The following PTK2 variants were observed in gnomAD, a reference collection of about 807,000 sequenced individuals.
The protein encoded by PTK2 is protein tyrosine kinase 2.
A neutral mutation model predicts 150.1 loss-of-function variants in PTK2; 45 were observed. The ratio of observed to expected loss-of-function variants is 0.30; its 90% CI spans 0.24 to 0.38. PTK2 has a LOEUF of 0.38. Among genes scored for constraint, PTK2 ranks in the 10% least tolerant of loss-of-function variants. The probability of loss-of-function intolerance (pLI) is 1.00; values close to 1 mark genes in which losing one functional copy is unlikely to be tolerated. For missense variants in PTK2, 919 were observed against 1,307.3 expected, an observed-to-expected ratio of 0.70 and a Z score of 4.58; for synonymous variants, 432 against 449.2, an observed-to-expected ratio of 0.96 and a Z score of 0.48.
intron 1 of PTK2, among the ~76,000 whole-genome samples, chr8:140,964,547 ATTTTTTTTTT>A (rs1025644210): frequency 3.9e-5 from 3 of 76,818 alleles, no homozygotes; most frequent in African/African-American, 1.2e-4. Flanking sequence ...GCCCCAGGTA[ATTTTTTTTTT>A]TTTTTTTTTT....
chr8:140,927,066 T>C (rs891743481), intron 1 of PTK2, among the ~76,000 whole-genome samples: 3 of 152,228 alleles, frequency 2.0e-5, no homozygotes, highest in Non-Finnish European at 4.4e-5. Context: ...GTTTTTCAGA[T>C]GCAGTGGTAG....
At chr8:140,939,231 C>A (rs540452267) in intron 1 of PTK2, among the ~76,000 whole-genome samples, 2 of 152,226 alleles carry the variant, frequency 1.3e-5, no homozygotes, top group East Asian at 1.9e-4. Context: ...ACATTTAAAG[C>A]CAGATTCGAA....
At chr8:140,838,720 T>C (rs1454126051) in intron 7 of PTK2, among the ~76,000 whole-genome samples, 1 of 152,152 alleles carries the variant, frequency 6.6e-6, no homozygotes, top group South Asian at 2.1e-4. Flanking sequence ...TATTAAAAAC[T>C]TCTAGGCCGG....
intron 2 of PTK2, among the ~76,000 whole-genome samples, chr8:140,919,844 T>C (rs910607856): frequency 5.3e-5 from 8 of 152,146 alleles, no homozygotes; most frequent in Non-Finnish European, 1.2e-4. Context: ...ATATCACGTT[T>C]TGTAAATGTT....
intron 1 of PTK2, among the ~76,000 whole-genome samples, chr8:140,978,988 T>C (rs1196521149): frequency 1.3e-5 from 2 of 151,384 alleles, no homozygotes; most frequent in Non-Finnish European, 2.9e-5. Flanking sequence ...AAACCATCAT[T>C]CTCAGCAAAC....
intron 30 of PTK2, among the ~76,000 whole-genome samples, chr8:140,666,769 T>C (rs1174671553): frequency 6.6e-6 from 1 of 152,206 alleles, no homozygotes; most frequent in African/African-American, 2.4e-5. Context: ...ATTCTGAGTA[T>C]ACACTCAAAA....
chr8:140,908,564 T>C (rs777435721), intron 2 of PTK2, among the ~76,000 whole-genome samples: 1 of 152,230 alleles, frequency 6.6e-6, no homozygotes, highest in Non-Finnish European at 1.5e-5. Flanking sequence ...TGTCTCTCAT[T>C]AGGGGCTAAT....
exon 24 of PTK2, chr8:140,706,151 G>T (rs1223191697): frequency 1.2e-6 from 2 of 1,613,044 alleles, no homozygotes; most frequent in Non-Finnish European, 1.7e-6. Context: ...ATGTGCTGTG[G>T]GCTGGGATAA....
At chr8:140,679,764 TTAA>T (rs1185275880) in intron 27 of PTK2, among the ~76,000 whole-genome samples, 11 of 152,248 alleles carry the variant, frequency 7.2e-5, no homozygotes, top group African/African-American at 2.7e-4. Flanking sequence ...TAGGCAGTTA[TTAA>T]TGTTTACTAA....
intron 29 of PTK2, 34 bp from the exon 34 acceptor site, chr8:140,668,458 T>A: frequency 6.3e-7 from 1 of 1,580,734 alleles, no homozygotes; most frequent in South Asian, 1.2e-5. Flanking sequence ...TTTTCTGCTC[T>A]CCAGCAGATG....
chr8:140,692,817 C>T (rs1279222532), intron 26 of PTK2, among the ~76,000 whole-genome samples: 3 of 152,142 alleles, frequency 2.0e-5, no homozygotes, highest in African/African-American at 7.2e-5. Context: ...GGCCTTGCTG[C>T]GTAGCAGAAG....
chr8:140,989,212 T>TTA (rs1249939122), intron 1 of PTK2, among the ~76,000 whole-genome samples: 18 of 60,584 alleles, frequency 3.0e-4, no homozygotes, highest in African/African-American at 1.1e-3. Context: ...ACCCTGTCTC[T>TTA]AAAAAAAAAA....
intron 1 of PTK2, among the ~76,000 whole-genome samples, chr8:140,982,210 C>T (rs2154609960): frequency 6.6e-6 from 1 of 152,298 alleles, no homozygotes; most frequent in Admixed American, 6.5e-5. Flanking sequence ...ACTAAAGGCT[C>T]CAAGTCTGTG....
At chr8:140,818,136 C>A in intron 10 of PTK2, 141 bp downstream of exon 10, 1 of 711,246 alleles carries the variant, frequency 1.4e-6, no homozygotes. Flanking sequence ...TCTTACTTGT[C>A]CCCCACTCCA....
chr8:140,704,471 G>C (rs967297706), intron 24 of PTK2, among the ~76,000 whole-genome samples: 62 of 152,328 alleles, frequency 4.1e-4, no homozygotes, highest in African/African-American at 1.4e-3. Context: ...ACGTACTAGA[G>C]TTTCAAATCT....
In PTK2 at chr8:140,803,005, C is replaced by CTTTTT. The variant is rs778981723; in HGVS notation, c.975+533_975+537dup. Among the ~76,000 whole-genome samples, 311 of 77,364 alleles carry CTTTTT rather than the reference C, an allele frequency of 4.0e-3. 50 individuals are homozygous for CTTTTT. Among genetic ancestry groups the CTTTTT allele is most frequent in the East Asian group, 0.034 (67 of 1,952 alleles). The allele number at this position is 77,364 out of a possible 152,430, so 50.8% of individuals were successfully genotyped here. ...AATTTCCTTGGTACTTGATGACAAT[C>CTTTTT]TTTTTTTTTTTTTTTTTTTTTTTTT... On this transcript the variant is annotated intron_variant, in intron 11 of 31. Coordinates refer to ENST00000522684, the Ensembl canonical transcript of PTK2.
chr8:140,850,381 G>T (rs563333672), intron 5 of PTK2, among the ~76,000 whole-genome samples: 17 of 151,894 alleles, frequency 1.1e-4, no homozygotes, highest in Admixed American at 8.5e-4. Context: ...AGCCAAGATC[G>T]TGCCATTGCA....
chr8:140,677,874 T>TA, intron 27 of PTK2, among the ~76,000 whole-genome samples: 1 of 152,230 alleles, frequency 6.6e-6, no homozygotes, highest in Admixed American at 6.5e-5. Flanking sequence ...GTTCTAGGTA[T>TA]AAAACAAAGA....
At chr8:140,894,381 C>T (rs1257523017) in intron 2 of PTK2, among the ~76,000 whole-genome samples, 2 of 152,148 alleles carry the variant, frequency 1.3e-5, no homozygotes, top group Non-Finnish European at 2.9e-5. Context: ...TTGTTACAAT[C>T]GTCCCAAGTG....
Sources: gnomAD v4.1 joint callset for allele counts (sites outside exome capture counted in the v4.1 genomes callset) on GRCh38, gnomAD v4.1.1 for gene constraint, MANE v1.5 for transcripts, NCBI Gene and HGNC (gene_info 2026-07-23, HGNC 2026-07-21) for gene names.